The following ENOX1 variants were observed in gnomAD, a reference collection of about 807,000 sequenced individuals.
ENOX1 encodes candidate growth-related and time keeping constitutive hydroquinone (NADH) oxidase.
Under a neutral mutation model 82.5 loss-of-function variants are expected in ENOX1, and 42 were observed. That is an observed-to-expected ratio of 0.51 (90% confidence interval 0.40 to 0.66). The LOEUF is 0.66. Among genes scored for constraint, ENOX1 ranks in the 30% least tolerant of loss-of-function variants. The pLI, the probability that ENOX1 is intolerant of heterozygous loss-of-function variation, is 0.00. For synonymous variants in ENOX1, 271 were observed against 282.2 expected (o/e 0.96, Z 0.40); for missense variants, 608 against 811.6 (o/e 0.75, Z 3.05).
chr13:43,532,684 G>A (rs931190930), intron 2 of ENOX1, among the ~76,000 whole-genome samples: 11 of 152,044 alleles, frequency 7.2e-5, no homozygotes, highest in East Asian at 1.9e-4. Flanking sequence ...CTGAAGCATC[G>A]TAACAGGTTG....
At chr13:43,233,248 T>G (rs568694065) in intron 15 of ENOX1, among the ~76,000 whole-genome samples, 1 of 152,268 alleles carries the variant, frequency 6.6e-6, no homozygotes, top group East Asian at 1.9e-4. Flanking sequence ...CAAAAATTGA[T>G]TACAAAATGA....
At chr13:43,480,274 T>C (rs1251785432) in intron 3 of ENOX1, among the ~76,000 whole-genome samples, 1 of 152,156 alleles carries the variant, frequency 6.6e-6, no homozygotes, top group Non-Finnish European at 1.5e-5. Flanking sequence ...TGGGACAACC[T>C]TGCATCACAA....
intron 1 of ENOX1, among the ~76,000 whole-genome samples, chr13:43,695,764 T>A (rs952211562): frequency 1.3e-5 from 2 of 152,152 alleles, no homozygotes; most frequent in African/African-American, 2.4e-5. Context: ...TTTTCTTCAC[T>A]TTTTACAAAA....
chr13:43,513,583 C>G (rs1346628130), intron 2 of ENOX1, among the ~76,000 whole-genome samples: 1 of 151,998 alleles, frequency 6.6e-6, no homozygotes, highest in Non-Finnish European at 1.5e-5. Flanking sequence ...TCCTTGTAAC[C>G]CAGTGAATCA....
chr13:43,584,991 G>A (rs1329298), intron 2 of ENOX1, among the ~76,000 whole-genome samples: 10,827 of 152,234 alleles, frequency 0.071, 417 homozygotes, highest in Admixed American at 0.097. Flanking sequence ...CCAAAGATGT[G>A]AACGTCCTAA....
intron 5 of ENOX1, among the ~76,000 whole-genome samples, chr13:43,370,162 T>G (rs1429863003): frequency 6.6e-6 from 1 of 152,024 alleles, no homozygotes; most frequent in African/African-American, 2.4e-5. Flanking sequence ...AGTCCAGAGA[T>G]CGAGACCAAC....
intron 2 of ENOX1, among the ~76,000 whole-genome samples, chr13:43,486,352 C>G (rs1407770): frequency 1.8e-3 from 277 of 151,876 alleles, no homozygotes; most frequent in African/African-American, 6.5e-3. Flanking sequence ...CCACTGCACT[C>G]GGGCCTGGGC....
intron 2 of ENOX1, among the ~76,000 whole-genome samples, chr13:43,612,232 G>A (rs965843023): frequency 1.3e-5 from 2 of 152,144 alleles, no homozygotes; most frequent in African/African-American, 4.8e-5. Context: ...AAGATGGTGT[G>A]TATTACAGCT....
chr13:43,618,845 A>G (rs1337050448), intron 2 of ENOX1, among the ~76,000 whole-genome samples: 1 of 152,160 alleles, frequency 6.6e-6, no homozygotes, highest in African/African-American at 2.4e-5. Context: ...CATTATTCAC[A>G]ACATTGATTC....
chr13:43,739,987 G>A (rs536396871), intron 1 of ENOX1, among the ~76,000 whole-genome samples: 41 of 152,074 alleles, frequency 2.7e-4, no homozygotes, highest in African/African-American at 8.5e-4. Context: ...TCTTAGTAAC[G>A]TTTTCTTTTC....
chr13:43,447,982 C>A (rs2056751523), intron 3 of ENOX1, among the ~76,000 whole-genome samples: 1 of 152,164 alleles, frequency 6.6e-6, no homozygotes, highest in Non-Finnish European at 1.5e-5. Flanking sequence ...TGGTTCCTGA[C>A]AATCATCTTC....
chr13:43,641,529 A>ATTTTT (rs769737189), intron 2 of ENOX1, among the ~76,000 whole-genome samples: 19,120 of 83,104 alleles, frequency 0.23, 3,588 homozygotes, highest in Middle Eastern at 0.33. Flanking sequence ...TTAATTTTTA[A>ATTTTT]TTTTTTTTTT....
At chr13:43,293,045 C>T (rs1430518919) in intron 12 of ENOX1, among the ~76,000 whole-genome samples, 1 of 151,910 alleles carries the variant, frequency 6.6e-6, no homozygotes, top group African/African-American at 2.4e-5. Context: ...GCCACCTTCA[C>T]CATCACAGCC....
At chr13:43,354,241 A>T (rs985438258) in intron 8 of ENOX1, among the ~76,000 whole-genome samples, 3 of 152,216 alleles carry the variant, frequency 2.0e-5, no homozygotes, top group Non-Finnish European at 4.4e-5. Context: ...AAGTGAGATG[A>T]TATCTGTATC....
intron 5 of ENOX1, among the ~76,000 whole-genome samples, chr13:43,366,041 G>C (rs1255345656): frequency 6.6e-6 from 1 of 152,224 alleles, no homozygotes; most frequent in Non-Finnish European, 1.5e-5. Context: ...CTGTTTACCA[G>C]AAGTTTCCAG....
intron 3 of ENOX1, among the ~76,000 whole-genome samples, chr13:43,418,080 A>G (rs1440280236): frequency 6.6e-6 from 1 of 152,126 alleles, no homozygotes; most frequent in Non-Finnish European, 1.5e-5. Flanking sequence ...ATGGTGGCGC[A>G]TGCCTGTAGT....
intron 3 of ENOX1, among the ~76,000 whole-genome samples, chr13:43,420,677 G>GAAGAT (rs1311518318): frequency 9.9e-5 from 15 of 152,276 alleles, no homozygotes; most frequent in African/African-American, 3.6e-4. Context: ...AATGACTTAA[G>GAAGAT]CAGAATTTCA....
chr13:43,294,900 T>C (rs960367598), intron 12 of ENOX1, among the ~76,000 whole-genome samples: 1 of 152,174 alleles, frequency 6.6e-6, no homozygotes, highest in East Asian at 1.9e-4. Context: ...CAATTCCCCT[T>C]ATATGATATT....
intron 1 of ENOX1, among the ~76,000 whole-genome samples, chr13:43,746,541 C>A (rs962783322): frequency 1.3e-5 from 2 of 152,016 alleles, no homozygotes; most frequent in Non-Finnish European, 2.9e-5. Context: ...AACCAATCAA[C>A]ACTAAGTTGA....
Sources: gnomAD v4.1 joint callset for allele counts (sites outside exome capture counted in the v4.1 genomes callset) on GRCh38, gnomAD v4.1.1 for gene constraint, MANE v1.5 for transcripts, NCBI Gene and HGNC (gene_info 2026-07-23, HGNC 2026-07-21) for gene names.